The following EXOC6B variants were observed in gnomAD, a reference collection of about 807,000 sequenced individuals.
EXOC6B encodes SEC15 homolog B.
EXOC6B carries 54 observed loss-of-function variants against 113.5 expected under a neutral mutation model. That is an observed-to-expected ratio of 0.48 (90% confidence interval 0.38 to 0.60). EXOC6B has a LOEUF of 0.60. Ranked by LOEUF, EXOC6B falls within the 20% of genes least tolerant of loss-of-function variation. The pLI is 0.00. For synonymous variants in EXOC6B, 357 were observed against 339.0 expected (o/e 1.05, Z -0.58); for missense variants, 797 against 977.5 (o/e 0.82, Z 2.46).
intron 6 of EXOC6B, among the ~76,000 whole-genome samples, chr2:72,630,149 C>A (rs536787817): frequency 6.6e-6 from 1 of 152,116 alleles, no homozygotes; most frequent in South Asian, 2.1e-4. Flanking sequence ...GGTTTGGTTA[C>A]CCACCATTTC....
chr2:72,612,327 G>C (rs1671125722), intron 6 of EXOC6B, among the ~76,000 whole-genome samples: 1 of 151,844 alleles, frequency 6.6e-6, no homozygotes, highest in African/African-American at 2.4e-5. Flanking sequence ...AAACACTACT[G>C]TGCCTTAGCA....
chr2:72,622,689 G>A (rs1364165635), intron 6 of EXOC6B, among the ~76,000 whole-genome samples: 3 of 152,042 alleles, frequency 2.0e-5, no homozygotes, highest in Non-Finnish European at 2.9e-5. Context: ...CAGCCTGGGT[G>A]ACAGAGCCCA....
intron 5 of EXOC6B, among the ~76,000 whole-genome samples, chr2:72,723,726 T>A (rs1680141760): frequency 7.7e-6 from 1 of 129,614 alleles, no homozygotes; most frequent in Admixed American, 7.9e-5. Context: ...AGTAGAAAAA[T>A]CAGTATTTAT....
chr2:72,825,776 G>A lies in EXOC6B; in HGVS notation c.113+22C>T, dbSNP rs777990064. The A allele has an allele frequency of 6.2e-6, 10 of 1,609,124 alleles. No homozygotes were observed. Among genetic ancestry groups the A allele is most frequent in the South Asian group, 3.3e-5 (3 of 90,864 alleles). On this transcript the variant is annotated intron_variant, in intron 1 of 21. Coordinates refer to ENST00000272427, the MANE Select transcript of EXOC6B (RefSeq NM_015189.3). The surrounding 1 kb of genome is among the most constrained non-coding windows in gnomAD (Gnocchi z 4.4). ...CCGTCCCGCCCGTTCCCGCCCCTCT[G>A]TGGTCCCGGCACCCGGGGTACCTGA...
chr2:72,816,618 C>G (rs913058719), intron 1 of EXOC6B, among the ~76,000 whole-genome samples: 13 of 152,176 alleles, frequency 8.5e-5, no homozygotes, highest in Non-Finnish European at 1.5e-4. Context: ...CAAACCCACA[C>G]AAGATAATTT....
intron 7 of EXOC6B, among the ~76,000 whole-genome samples, chr2:72,565,811 T>G (rs1055714803): frequency 2.0e-5 from 3 of 152,106 alleles, no homozygotes; most frequent in African/African-American, 7.2e-5. Flanking sequence ...AAAGAAGCTG[T>G]AAGAAAATAG....
At position 72,539,825 on chromosome 2, in the gene EXOC6B, T is replaced by G. The variant is rs11899210; in HGVS notation, c.915+19628A>C. Among the ~76,000 whole-genome samples the G allele has an allele frequency of 4.4e-3, 671 of 152,096 alleles. 8 individuals are homozygous for G. The highest frequency in any genetic ancestry group is 0.015 in the African/African-American group (631 of 41,516). ...TTTTATTATTATTATACTTTAAGTT[T>G]TAGGTTACATGCGCACAATGTGCAG... On this transcript the variant is annotated intron_variant, in intron 8 of 21. Coordinates refer to ENST00000272427, the MANE Select transcript of EXOC6B (RefSeq NM_015189.3).
At chr2:72,322,262 C>A (rs1038783105) in intron 20 of EXOC6B, among the ~76,000 whole-genome samples, 3 of 152,088 alleles carry the variant, frequency 2.0e-5, no homozygotes, top group Non-Finnish European at 4.4e-5. Flanking sequence ...ACTATTGACA[C>A]CCCCAACACC....
At chr2:72,243,796 C>A (rs1682478940) in intron 20 of EXOC6B, among the ~76,000 whole-genome samples, 1 of 151,940 alleles carries the variant, frequency 6.6e-6, no homozygotes, top group Admixed American at 6.6e-5. Flanking sequence ...AGAAAATTAT[C>A]AGGGATAAAG....
chr2:72,213,572 T>C (rs1178895448), intron 20 of EXOC6B, among the ~76,000 whole-genome samples: 1 of 152,120 alleles, frequency 6.6e-6, no homozygotes, highest in Admixed American at 6.5e-5. Flanking sequence ...GTGACTCTTG[T>C]TAGAACTTCA....
intron 20 of EXOC6B, among the ~76,000 whole-genome samples, chr2:72,322,696 AC>A (rs1687904065): frequency 6.6e-6 from 1 of 152,176 alleles, no homozygotes; most frequent in East Asian, 1.9e-4. Context: ...TACATCTATA[AC>A]CATCTGATAT....
intron 6 of EXOC6B, among the ~76,000 whole-genome samples, chr2:72,646,212 C>T (rs543831180): frequency 2.6e-5 from 4 of 151,890 alleles, no homozygotes; most frequent in East Asian, 1.9e-4. Flanking sequence ...ATAAATTCCT[C>T]GACACATACA....
At chr2:72,613,931 T>C (rs1357418009) in intron 6 of EXOC6B, among the ~76,000 whole-genome samples, 1 of 152,198 alleles carries the variant, frequency 6.6e-6, no homozygotes, top group Non-Finnish European at 1.5e-5. Flanking sequence ...GAAAATTCTA[T>C]GAAATTCAAA....
chr2:72,408,579 G>A lies in EXOC6B; in HGVS notation c.1981-28709C>T, dbSNP rs181467388. On this transcript the variant is annotated intron_variant, in intron 18 of 21. Transcript: ENST00000272427. ...TAATGCCGCATATATACAACTATCT[G>A]ATGTTTGACAAACCTGACAAAAACA... is the stretch of plus-strand genomic sequence containing the variant. Among the ~76,000 whole-genome samples, 248 of 152,280 alleles carry A rather than the reference G, an allele frequency of 1.6e-3. 2 individuals carry two copies. Among genetic ancestry groups the A allele is most frequent in the African/African-American group, 5.8e-3 (241 of 41,544 alleles).
At chr2:72,299,016 T>C (rs1394081786) in intron 20 of EXOC6B, among the ~76,000 whole-genome samples, 2 of 152,136 alleles carry the variant, frequency 1.3e-5, no homozygotes, top group East Asian at 1.9e-4. Flanking sequence ...ATTTCCTGAA[T>C]TTGAATGTTG....
rs182491068 is a variant in EXOC6B, at chr2:72,588,492, G to C, written c.670-12824C>G. 2.0e-5 allele frequency among the ~76,000 whole-genome samples: 3 copies of C among 152,058 alleles called. No homozygotes were observed. The East Asian group carries it at 5.8e-4, about 29-fold the overall frequency. ...TCAAGTAGTCAGACTAATAGAAATA[G>C]AAAGTAGAATGGTGGTTGCTAGGGC... On this transcript the variant is annotated intron_variant, in intron 6 of 21. Transcript: ENST00000272427.
intron 6 of EXOC6B, among the ~76,000 whole-genome samples, chr2:72,640,709 A>G (rs1196005934): frequency 6.6e-6 from 1 of 152,218 alleles, no homozygotes; most frequent in Non-Finnish European, 1.5e-5. Context: ...AGAATGTTGA[A>G]TATTGGCCCC....
chr2:72,307,265 G>A (rs1390290811), intron 20 of EXOC6B, among the ~76,000 whole-genome samples: 1 of 150,726 alleles, frequency 6.6e-6, no homozygotes, highest in Non-Finnish European at 1.5e-5. Flanking sequence ...TCGGCCTCCC[G>A]AGTTGCCGGG....
intron 1 of EXOC6B, among the ~76,000 whole-genome samples, chr2:72,776,545 A>T (rs1161851316): frequency 1.3e-5 from 2 of 152,008 alleles, no homozygotes; most frequent in East Asian, 3.9e-4. Flanking sequence ...TGAGCCCCAG[A>T]GGTGGAGGTT....
Sources: allele counts gnomAD v4.1 joint callset (sites outside exome capture counted in the v4.1 genomes callset), GRCh38; gene constraint gnomAD v4.1.1; non-coding constraint Gnocchi (gnomAD v3.1); transcripts MANE v1.5; gene names NCBI Gene and HGNC (gene_info 2026-07-23, HGNC 2026-07-21).